CNBD1: variants seen among roughly 807,000 people sequenced by gnomAD.
CNBD1 encodes cyclic nucleotide-binding domain-containing protein 1.
In CNBD1, 71 loss-of-function variants were observed where a neutral mutation model predicts 54.4. The ratio of observed to expected loss-of-function variants is 1.30; its 90% CI spans 1.08 to 1.59. The LOEUF (loss-of-function observed/expected upper bound fraction) is 1.59. CNBD1 is among the 40% of genes most tolerant of loss of function. The pLI, the probability that CNBD1 is intolerant of heterozygous loss-of-function variation, is 0.00. For synonymous variants in CNBD1, 182 were observed against 170.7 expected, an observed-to-expected ratio of 1.07 and a Z score of -0.51; for missense variants, 659 against 518.0, an observed-to-expected ratio of 1.27 and a Z score of -2.64.
At chr8:87,255,988 TATATATATATATATATATATATATA>T (rs1808001893) in intron 6 of CNBD1, among the ~76,000 whole-genome samples, 1 of 11,436 alleles carries the variant, frequency 8.7e-5, no homozygotes, top group African/African-American at 4.3e-4. Context: ...TATATATATA[TATATATATATATATATATATATATA>T]TATTTTTTTT....
intron 8 of CNBD1, among the ~76,000 whole-genome samples, chr8:87,327,466 C>T (rs192800377): frequency 5.3e-4 from 81 of 152,318 alleles, no homozygotes; most frequent in Admixed American, 2.1e-3. Context: ...ATTCCGTGGG[C>T]GTAGGATACT....
At chr8:87,226,123 TTCTC>T (rs915599570) in intron 5 of CNBD1, among the ~76,000 whole-genome samples, 4 of 152,224 alleles carry the variant, frequency 2.6e-5, no homozygotes, top group Non-Finnish European at 4.4e-5. Context: ...TGTTTGATTC[TTCTC>T]TCTTTTTTTC....
intron 1 of CNBD1, among the ~76,000 whole-genome samples, chr8:86,873,096 T>A (rs942538537): frequency 6.7e-6 from 1 of 149,084 alleles, no homozygotes; most frequent in East Asian, 2.0e-4. Flanking sequence ...TTGTTGTTGT[T>A]GTTTTAGTTT....
Position 86,958,178 on chromosome 8 carries a change from A to G in CNBD1, c.431+18424A>G, listed in dbSNP as rs528296717. On this transcript the variant is annotated intron_variant, in intron 4 of 10. Coordinates refer to ENST00000518476, the MANE Select transcript of CNBD1 (RefSeq NM_173538.3). ...TAATCCTGAGTTCTAGTTTGATTGC[A>G]TTGTGGTCTGAGAGACAGTTTGTTA... Among the ~76,000 whole-genome samples the G allele has an allele frequency of 2.6e-5, 4 of 152,274 alleles. No individual in the cohort carries two copies. In the South Asian group the frequency reaches 6.2e-4, roughly 24 times the overall value.
At chr8:87,357,918 T>C (rs1810453280) in intron 10 of CNBD1, among the ~76,000 whole-genome samples, 1 of 152,172 alleles carries the variant, frequency 6.6e-6, no homozygotes, top group Non-Finnish European at 1.5e-5. Context: ...GGGCTTGGCT[T>C]CATCTTCATG....
At chr8:87,096,810 T>C (rs536283756) in intron 4 of CNBD1, among the ~76,000 whole-genome samples, 1 of 152,206 alleles carries the variant, frequency 6.6e-6, no homozygotes, top group African/African-American at 2.4e-5. Flanking sequence ...TTCCCTTTTT[T>C]TTTTTTTACC....
chr8:87,002,584 A>C (rs375369299), intron 4 of CNBD1, among the ~76,000 whole-genome samples: 2 of 150,080 alleles, frequency 1.3e-5, no homozygotes, highest in South Asian at 4.2e-4. Context: ...ACTCATGCTG[A>C]AACCTTTTTT....
intron 4 of CNBD1, among the ~76,000 whole-genome samples, chr8:87,202,133 A>G (rs1813876616): frequency 6.6e-6 from 1 of 152,204 alleles, no homozygotes; most frequent in African/African-American, 2.4e-5. Context: ...GAAAATTTTC[A>G]GAAGGAATGA....
At chr8:87,103,351 C>T (rs1248441389) in intron 4 of CNBD1, among the ~76,000 whole-genome samples, 1 of 152,136 alleles carries the variant, frequency 6.6e-6, no homozygotes, top group African/African-American at 2.4e-5. Flanking sequence ...ATTTCATCCT[C>T]ACAAAAATGC....
chr8:87,370,474 C>A (rs1810756876), intron 10 of CNBD1, among the ~76,000 whole-genome samples: 1 of 151,996 alleles, frequency 6.6e-6, no homozygotes, highest in East Asian at 1.9e-4. Flanking sequence ...TCTCTGATGG[C>A]CAGTGATGGT....
chr8:87,192,110 G>A (rs899584295), intron 4 of CNBD1, among the ~76,000 whole-genome samples: 1 of 152,098 alleles, frequency 6.6e-6, no homozygotes, highest in Non-Finnish European at 1.5e-5. Flanking sequence ...ATACAAAGGG[G>A]TGAAAATATT....
chr8:87,169,163 T>A (rs1031642839), intron 4 of CNBD1, among the ~76,000 whole-genome samples: 2 of 152,134 alleles, frequency 1.3e-5, no homozygotes, highest in African/African-American at 4.8e-5. Flanking sequence ...GATTTGCATT[T>A]CTCTGATGAT....
chr8:87,400,469 A>G (rs1055059645), intron 2 of CNBD1, among the ~76,000 whole-genome samples: 2 of 152,022 alleles, frequency 1.3e-5, no homozygotes, highest in African/African-American at 4.8e-5. Flanking sequence ...TAAGAGCAGT[A>G]TCTTAAGGAA....
chr8:87,223,162 C>T (rs1049107605), intron 5 of CNBD1, among the ~76,000 whole-genome samples: 7 of 149,890 alleles, frequency 4.7e-5, no homozygotes, highest in Middle Eastern at 3.4e-3. Flanking sequence ...GTTTGCCATA[C>T]GTATTTAATC....
intron 4 of CNBD1, among the ~76,000 whole-genome samples, chr8:87,037,695 G>T (rs774836960): frequency 2.0e-5 from 3 of 151,826 alleles, no homozygotes; most frequent in Admixed American, 6.6e-5. Flanking sequence ...TAATATTTTG[G>T]TTTTTTTGGG....
intron 4 of CNBD1, among the ~76,000 whole-genome samples, chr8:86,959,383 T>A (rs1309588383): frequency 6.6e-6 from 1 of 152,190 alleles, no homozygotes; most frequent in African/African-American, 2.4e-5. Flanking sequence ...TTCCTGAATT[T>A]GATTGTTGGC....
rs201885780 is a variant in CNBD1, at chr8:87,165,579, CT to C, written c.432-40410del. Reference sequence around the variant, plus strand: ...TTACAAGCGCAGCCACCCTTGCTTTCTTTTGGTTAAGATTTGCATTGAGTAG... The same window carrying C: ...TTACAAGCGCAGCCACCCTTGCTTTCTTTGGTTAAGATTTGCATTGAGTAG... On this transcript the variant is annotated intron_variant, in intron 4 of 10. Coordinates refer to ENST00000518476, the MANE Select transcript of CNBD1 (RefSeq NM_173538.3). 1.6e-3 allele frequency among the ~76,000 whole-genome samples: 245 copies of C among 151,946 alleles called. 1 individual carries two copies. Among genetic ancestry groups the C allele is most frequent in the African/African-American group, 5.6e-3 (233 of 41,498 alleles).
chr8:87,416,197 G>C (rs760483228), intron 2 of CNBD1, among the ~76,000 whole-genome samples: 28 of 151,748 alleles, frequency 1.8e-4, no homozygotes, highest in Admixed American at 3.3e-4. Context: ...ATTCTAATCA[G>C]GAATGTAATA....
intron 3 of CNBD1, among the ~76,000 whole-genome samples, chr8:86,909,765 A>C (rs941419055): frequency 3.9e-5 from 6 of 152,230 alleles, no homozygotes; most frequent in African/African-American, 1.4e-4. Context: ...CTGGCTTAAG[A>C]TAGAAAGTTA....
Sources: gnomAD v4.1 joint callset for allele counts (sites outside exome capture counted in the v4.1 genomes callset) on GRCh38, gnomAD v4.1.1 for gene constraint, MANE v1.5 for transcripts, NCBI Gene and HGNC (gene_info 2026-07-23, HGNC 2026-07-21) for gene names.